The following SLC20A2 variants were observed in gnomAD, a reference collection of about 807,000 sequenced individuals.
SLC20A2 encodes sodium-dependent phosphate transporter 2.
A neutral mutation model predicts 61.0 loss-of-function variants in SLC20A2; 30 were observed. The ratio of observed to expected loss-of-function variants is 0.49; its 90% CI spans 0.37 to 0.67. SLC20A2 has a LOEUF of 0.67. Among genes scored for constraint, SLC20A2 ranks in the 30% least tolerant of loss-of-function variants. The pLI is 0.00. For synonymous variants in SLC20A2, 351 were observed against 353.3 expected (o/e 0.99, Z 0.07); for missense variants, 626 against 866.4 (o/e 0.72, Z 3.48).
chr8:42,475,641 C>T (rs1329598553), intron 1 of SLC20A2, among the ~76,000 whole-genome samples: 3 of 151,900 alleles, frequency 2.0e-5, no homozygotes, highest in Non-Finnish European at 4.4e-5. Flanking sequence ...GAACTCCTGA[C>T]CTCAGGTGAT....
At chr8:42,432,260 G>A (rs1033981453) in intron 8 of SLC20A2, among the ~76,000 whole-genome samples, 17 of 152,192 alleles carry the variant, frequency 1.1e-4, no homozygotes, top group African/African-American at 3.9e-4. Context: ...ATGACTTTGA[G>A]GGATTCAAAA....
chr8:42,507,750 C>G (rs1414270791), intron 1 of SLC20A2, among the ~76,000 whole-genome samples: 2 of 152,236 alleles, frequency 1.3e-5, no homozygotes, highest in African/African-American at 2.4e-5. Context: ...TGAGTCATGA[C>G]ACTGTCCCAC....
chr8:42,489,098 C>T (rs1809302068), intron 1 of SLC20A2, among the ~76,000 whole-genome samples: 1 of 151,936 alleles, frequency 6.6e-6, no homozygotes, highest in Non-Finnish European at 1.5e-5. Context: ...TGCTACCACG[C>T]CCAGCTAATT....
intron 6 of SLC20A2, among the ~76,000 whole-genome samples, chr8:42,441,091 G>A (rs1804742232): frequency 6.6e-6 from 1 of 150,576 alleles, no homozygotes; most frequent in Non-Finnish European, 1.5e-5. Flanking sequence ...GAGCCACCGT[G>A]TCTGGCCCCA....
intron 2 of SLC20A2, among the ~76,000 whole-genome samples, chr8:42,468,559 G>A (rs527295996): frequency 5.3e-5 from 8 of 152,292 alleles, no homozygotes; most frequent in South Asian, 4.1e-4. Context: ...AGGAAGAACA[G>A]AGGGAAAAAG....
At chr8:42,455,257 T>TATATAG (rs1357416749) in intron 5 of SLC20A2, among the ~76,000 whole-genome samples, 140 of 81,608 alleles carry the variant, frequency 1.7e-3, no homozygotes, top group African/African-American at 5.3e-3. Context: ...TATATATATA[T>TATATAG]AGAGAGAGAG....
intron 1 of SLC20A2, chr8:42,541,030 T>C (rs1289013668): frequency 1.3e-5 from 2 of 152,174 alleles, no homozygotes; most frequent in Admixed American, 6.5e-5. Context: ...GACGCTTTCT[T>C]AAGAGTACAC....
chr8:42,427,576 C>T (rs1328868590), intron 10 of SLC20A2, among the ~76,000 whole-genome samples: 1 of 152,188 alleles, frequency 6.6e-6, no homozygotes, highest in East Asian at 1.9e-4. Flanking sequence ...GATTTGTATA[C>T]AGAAACTTTG....
chr8:42,528,691 G>A (rs1185942661), intron 1 of SLC20A2, among the ~76,000 whole-genome samples: 1 of 151,488 alleles, frequency 6.6e-6, no homozygotes, highest in African/African-American at 2.4e-5. Context: ...TTTTTGAGAT[G>A]GAGTTTCGCT....
At chr8:42,442,831 A>G (rs1279870070) in intron 6 of SLC20A2, among the ~76,000 whole-genome samples, 1 of 152,188 alleles carries the variant, frequency 6.6e-6, no homozygotes, top group Non-Finnish European at 1.5e-5. Context: ...GCTTTGTCTC[A>G]TGTATTTTGG....
intron 8 of SLC20A2, among the ~76,000 whole-genome samples, chr8:42,434,957 A>C (rs948899984): frequency 6.6e-6 from 1 of 152,074 alleles, no homozygotes; most frequent in Non-Finnish European, 1.5e-5. Context: ...TGAATGTTAG[A>C]GAATGTGTTG....
chr8:42,470,121 A>C (rs1158256583), intron 2 of SLC20A2, among the ~76,000 whole-genome samples: 2 of 152,022 alleles, frequency 1.3e-5, no homozygotes, highest in Non-Finnish European at 2.9e-5. Flanking sequence ...AATTTCCATT[A>C]TATCTGACTA....
intron 1 of SLC20A2, among the ~76,000 whole-genome samples, chr8:42,520,749 C>A: frequency 1.1e-5 from 1 of 93,764 alleles, no homozygotes. Context: ...AAAAAACAAA[C>A]CAAAAAAAAA....
intron 1 of SLC20A2, among the ~76,000 whole-genome samples, chr8:42,498,646 T>G (rs1287065675): frequency 6.6e-6 from 1 of 152,122 alleles, no homozygotes; most frequent in East Asian, 1.9e-4. Flanking sequence ...CATATCCCAT[T>G]ATGTTACACT....
chr8:42,438,611 A>C (rs1804530249), intron 7 of SLC20A2, among the ~76,000 whole-genome samples: 1 of 152,258 alleles, frequency 6.6e-6, no homozygotes, highest in African/African-American at 2.4e-5. Flanking sequence ...CCCACCTTGC[A>C]GAGGTGGCAG....
At chr8:42,487,329 G>A (rs1235550336) in intron 1 of SLC20A2, among the ~76,000 whole-genome samples, 7 of 151,512 alleles carry the variant, frequency 4.6e-5, no homozygotes, top group Middle Eastern at 6.9e-3. Flanking sequence ...TGGCGCCCGC[G>A]ACCACACCTG....
chr8:42,446,224 A>C (rs1458463732), intron 5 of SLC20A2, among the ~76,000 whole-genome samples: 1 of 152,248 alleles, frequency 6.6e-6, no homozygotes, highest in Non-Finnish European at 1.5e-5. Context: ...CAAATCCCAT[A>C]ATGCACACTA....
intron 1 of SLC20A2, chr8:42,534,610 G>A (rs1474998367): frequency 3.3e-5 from 5 of 152,286 alleles, no homozygotes; most frequent in Admixed American, 6.5e-5. Context: ...ATCTATTTGC[G>A]AGGATTTAAT....
intron 10 of SLC20A2, chr8:42,419,753 C>A: frequency 6.0e-6 from 5 of 836,216 alleles, no homozygotes; most frequent in Non-Finnish European, 7.2e-6. Flanking sequence ...CACATGATAT[C>A]ATGTAAGTTG....
Sources: allele counts gnomAD v4.1 joint callset (sites outside exome capture counted in the v4.1 genomes callset), GRCh38; gene constraint gnomAD v4.1.1; transcripts MANE v1.5; gene names NCBI Gene and HGNC (gene_info 2026-07-23, HGNC 2026-07-21).